SRPK2: variants seen among roughly 807,000 people sequenced by gnomAD.
SRPK2 encodes the protein SRSF protein kinase 2, also known as SFRS protein kinase 2.
In SRPK2, 21 loss-of-function variants were observed where a neutral mutation model predicts 90.8. That is an observed-to-expected ratio of 0.23 (90% confidence interval 0.16 to 0.33). The LOEUF (loss-of-function observed/expected upper bound fraction) is 0.33. Ranked by LOEUF, SRPK2 falls within the 10% of genes least tolerant of loss-of-function variation. The pLI is 1.00. For synonymous variants in SRPK2, 288 were observed against 311.1 expected, an observed-to-expected ratio of 0.93 and a Z score of 0.78; for missense variants, 620 against 869.0, an observed-to-expected ratio of 0.71 and a Z score of 3.60.
At chr7:105,376,116 T>TCCCGTGCAGCTGGGACTACAGGC (rs2132542661) in intron 2 of SRPK2, among the ~76,000 whole-genome samples, 1 of 140,446 alleles carries the variant, frequency 7.1e-6, no homozygotes, top group South Asian at 2.4e-4. Flanking sequence ...TGCCTCAGCC[T>TCCCGTGCAGCTGGGACTACAGGC]CCCGTGCAGC....
chr7:105,181,374 G>A (rs79366469), intron 3 of SRPK2, among the ~76,000 whole-genome samples: 2,913 of 152,256 alleles, frequency 0.019, 98 homozygotes, highest in African/African-American at 0.065. Flanking sequence ...TGTATACACC[G>A]AAAGGAATAT....
At chr7:105,177,921 C>T (rs191588712) in intron 3 of SRPK2, among the ~76,000 whole-genome samples, 4 of 150,414 alleles carry the variant, frequency 2.7e-5, no homozygotes, top group East Asian at 2.0e-4. Context: ...CCCAGCTACT[C>T]GGGAGGCTGA....
At chr7:105,295,615 G>A (rs924851087) in intron 2 of SRPK2, among the ~76,000 whole-genome samples, 1 of 152,154 alleles carries the variant, frequency 6.6e-6, no homozygotes, top group African/African-American at 2.4e-5. Flanking sequence ...CCAGGGGCCA[G>A]GAAGGGAAAA....
intron 2 of SRPK2, among the ~76,000 whole-genome samples, chr7:105,285,385 CAAAAAAAAAAA>C (rs58399129): frequency 7.5e-5 from 8 of 106,236 alleles, no homozygotes; most frequent in African/African-American, 1.5e-4. Flanking sequence ...ACCCCGTCTC[CAAAAAAAAAAA>C]AAAAAAAAAA....
chr7:105,304,821 G>A (rs760390074), intron 2 of SRPK2, among the ~76,000 whole-genome samples: 13 of 152,102 alleles, frequency 8.5e-5, no homozygotes, highest in African/African-American at 2.7e-4. Flanking sequence ...CCCTGGCCCC[G>A]GGCTACAATC....
chr7:105,375,494 C>A (rs1820178543), intron 2 of SRPK2, among the ~76,000 whole-genome samples: 1 of 152,142 alleles, frequency 6.6e-6, no homozygotes, highest in South Asian at 2.1e-4. Context: ...CTAACCTGGG[C>A]AGCAAAGCAA....
intron 7 of SRPK2, among the ~76,000 whole-genome samples, chr7:105,159,487 AGAAGAG>A (rs1409872069): frequency 2.0e-5 from 3 of 149,456 alleles, no homozygotes; most frequent in Non-Finnish European, 3.0e-5. Flanking sequence ...TACAAAAGGA[AGAAGAG>A]ATGAACACAC....
rs545311401 is a variant in SRPK2, at chr7:105,352,801, T to A, written c.71+35847A>T. ...CTGTAATCCCAGCTACTCGGGAGGC[T>A]GAGGCAGGAGAATTGCTTGAACCCA... is the stretch of plus-strand genomic sequence containing the variant. On this transcript the variant is annotated intron_variant, in intron 2 of 15. Coordinates refer to ENST00000393651, the MANE Select transcript of SRPK2 (RefSeq NM_182692.3). Among the ~76,000 whole-genome samples, 29 of 152,078 alleles carry A rather than the reference T, an allele frequency of 1.9e-4. No individual in the cohort carries two copies. In the South Asian group the frequency reaches 6.0e-3, roughly 32 times the overall value.
At chr7:105,355,258 G>A (rs764125833) in intron 2 of SRPK2, among the ~76,000 whole-genome samples, 9 of 151,954 alleles carry the variant, frequency 5.9e-5, no homozygotes, top group South Asian at 2.1e-4. Context: ...CACTTTGGGA[G>A]GCCACAGCAG....
At chr7:105,247,272 C>G (rs1159840214) in intron 2 of SRPK2, among the ~76,000 whole-genome samples, 1 of 152,116 alleles carries the variant, frequency 6.6e-6, no homozygotes, top group East Asian at 1.9e-4. Context: ...AAAAAATGAT[C>G]GGTTCTGTGG....
At chr7:105,379,566 G>C (rs1311971695) in intron 2 of SRPK2, among the ~76,000 whole-genome samples, 1 of 152,202 alleles carries the variant, frequency 6.6e-6, no homozygotes, top group Non-Finnish European at 1.5e-5. Flanking sequence ...GTAGAGTATA[G>C]ACTCGGGAGA....
At position 105,169,286 on chromosome 7, in the gene SRPK2, G is replaced by C. The variant is rs199958482; in HGVS notation, c.230-21C>G. 4.7e-3 allele frequency: 7,416 copies of C among 1,578,862 alleles called. 22 individuals are homozygous for C. Among genetic ancestry groups the C allele is most frequent in the Non-Finnish European group, 5.8e-3 (6,727 of 1,152,926 alleles). Reference sequence around the variant, plus strand: ...TCCACCTTAAAAAACAAGAAAGAAAGAAAAAAATTCAAAATATTCGAAAAG... The same window carrying C: ...TCCACCTTAAAAAACAAGAAAGAAACAAAAAAATTCAAAATATTCGAAAAG... On this transcript the variant is annotated intron_variant, in intron 3 of 15. Coordinates refer to ENST00000393651, the MANE Select transcript of SRPK2 (RefSeq NM_182692.3).
chr7:105,333,040 A>C (rs1426915429), intron 2 of SRPK2: 1 of 152,110 alleles, frequency 6.6e-6, no homozygotes, highest in Non-Finnish European at 1.5e-5. Context: ...CTAAAAATAC[A>C]AAAATTAGCT....
intron 6 of SRPK2, 141 bp from the exon 7 acceptor site, chr7:105,160,754 G>A: frequency 3.6e-6 from 2 of 550,994 alleles, no homozygotes; most frequent in Non-Finnish European, 6.6e-6. Context: ...CCAAAAGTGA[G>A]AAAATGTTGT....
At position 105,116,689 on chromosome 7, in the gene SRPK2, T is replaced by G. The variant is rs1239846809; in HGVS notation, c.*1149A>C. The G allele has an allele frequency of 6.6e-6, 1 of 152,510 alleles. No homozygotes were observed. The highest frequency in any genetic ancestry group is 6.5e-5 in the Admixed American group (1 of 15,288). The allele number at this position is 152,510 out of a possible 1,614,324, so 9.4% of individuals were successfully genotyped here. ...TTTTAAGGAAATGCATAAACAAAAC[T>G]GTGTGCAACCTGCAAAGGGAAAATC... On this transcript the variant is annotated 3_prime_UTR_variant, in exon 16 of 16. Coordinates refer to ENST00000393651, the MANE Select transcript of SRPK2 (RefSeq NM_182692.3).
At chr7:105,249,235 G>A (rs1802155951) in intron 2 of SRPK2, among the ~76,000 whole-genome samples, 1 of 152,134 alleles carries the variant, frequency 6.6e-6, no homozygotes, top group Non-Finnish European at 1.5e-5. Flanking sequence ...CCAAAACATA[G>A]CTTTTAGAGC....
intron 15 of SRPK2, among the ~76,000 whole-genome samples, chr7:105,124,019 G>A (rs1800773902): frequency 6.6e-6 from 1 of 152,268 alleles, no homozygotes; most frequent in South Asian, 2.1e-4. Flanking sequence ...TATACGTGGT[G>A]ATGATGGCAG....
chr7:105,147,630 T>C (rs1368933343), intron 7 of SRPK2, among the ~76,000 whole-genome samples: 1 of 152,178 alleles, frequency 6.6e-6, no homozygotes, highest in Non-Finnish European at 1.5e-5. Flanking sequence ...ACCACCACTA[T>C]TTAAATGACA....
At position 105,260,465 on chromosome 7, in the gene SRPK2, G is replaced by A. The variant is rs147994517; in HGVS notation, c.72-56680C>T. On this transcript the variant is annotated intron_variant, in intron 2 of 15. Coordinates refer to ENST00000393651, the MANE Select transcript of SRPK2 (RefSeq NM_182692.3). Reference sequence around the variant, plus strand: ...GTAAATTAGTTCAACCATTGTGGAAGACAGTGTGGCAATTCCTCAAGGATC... The same window carrying A: ...GTAAATTAGTTCAACCATTGTGGAAAACAGTGTGGCAATTCCTCAAGGATC... 5.1e-3 allele frequency among the ~76,000 whole-genome samples: 777 copies of A among 152,318 alleles called. 12 individuals are homozygous for A. In the East Asian group the frequency reaches 0.055, roughly 11 times the overall value.
Sources: allele counts gnomAD v4.1 joint callset (sites outside exome capture counted in the v4.1 genomes callset), GRCh38; gene constraint gnomAD v4.1.1; transcripts MANE v1.5; gene names NCBI Gene and HGNC (gene_info 2026-07-23, HGNC 2026-07-21).